Variants in ZNF569 observed in about 807,000 individuals in gnomAD.
The protein encoded by ZNF569 is DNA-binding protein.
In ZNF569, 38 loss-of-function variants were observed where a neutral mutation model predicts 56.3. That is an observed-to-expected ratio of 0.68 (90% CI 0.52 to 0.88). The LOEUF (loss-of-function observed/expected upper bound fraction) is 0.88, where lower values mean the gene tolerates loss of function less well. Ranked by LOEUF, ZNF569 falls within the 40% of genes least tolerant of loss-of-function variation. ZNF569 has a pLI of 0.00. For missense variants in ZNF569, 666 were observed against 809.2 expected (o/e 0.82, Z 2.15); for synonymous variants, 241 against 262.9 (o/e 0.92, Z 0.81).
chr19:37,426,480 A>G, intron 3 of ZNF569, 102 bp from the exon 4 acceptor site: 1 of 1,280,708 alleles, frequency 7.8e-7, no homozygotes. Flanking sequence ...GGTTATTAAA[A>G]AAGCCCATCA....
chr19:37,469,017 C>T (rs1205194568), upstream of ZNF569: 17 of 981,728 alleles, frequency 1.7e-5, no homozygotes, highest in Middle Eastern at 1.0e-3. Flanking sequence ...CTCAACTCCC[C>T]GCCCTGGTTG....
intron 5 of ZNF569, among the ~76,000 whole-genome samples, chr19:37,421,160 C>A (rs887583898): frequency 6.6e-6 from 1 of 152,080 alleles, no homozygotes; most frequent in South Asian, 2.1e-4. Context: ...TTATAGAGCA[C>A]GAGCAGGGTG....
chr19:37,447,425 T>C (rs1212616238), intron 2 of ZNF569, among the ~76,000 whole-genome samples: 1 of 152,218 alleles, frequency 6.6e-6, no homozygotes, highest in Non-Finnish European at 1.5e-5. Flanking sequence ...GGATGTGAAT[T>C]CTGGGAGGTG....
intron 3 of ZNF569, among the ~76,000 whole-genome samples, chr19:37,442,544 G>A (rs558102932): frequency 4.6e-5 from 7 of 152,308 alleles, no homozygotes; most frequent in African/African-American, 1.7e-4. Flanking sequence ...GTATTAAGCA[G>A]AGAAGTCATA....
chr19:37,452,530 T>C (rs539062855), intron 2 of ZNF569, among the ~76,000 whole-genome samples: 2 of 152,320 alleles, frequency 1.3e-5, no homozygotes, highest in African/African-American at 4.8e-5. Context: ...CTCATCATCA[T>C]TTTTAAAGGA....
At chr19:37,461,625 T>C (rs2041759123) in intron 2 of ZNF569, among the ~76,000 whole-genome samples, 1 of 152,096 alleles carries the variant, frequency 6.6e-6, no homozygotes, top group Non-Finnish European at 1.5e-5. Context: ...TGTCTCACCT[T>C]ACTTCCTCTA....
At chr19:37,469,205 C>A, upstream of ZNF569, 1 of 1,283,136 alleles carries the variant, frequency 7.8e-7, no homozygotes, top group Admixed American at 3.6e-5. Context: ...GGGAGGAGGC[C>A]GTGTTACAAA....
At position 37,412,994 on chromosome 19, in the gene ZNF569, C is replaced by T; in HGVS notation, c.1664G>A (p.Cys555Tyr). The T allele has an allele frequency of 1.9e-6, 3 of 1,613,700 alleles. No individual in the cohort carries two copies. The highest frequency in any genetic ancestry group is 2.5e-6 in the Non-Finnish European group (3 of 1,179,852). Reference sequence around the variant, plus strand: ...TGAGCACTGAGAGAAGGCTTTACCACATTTATCACATTCATAAGGCTTTTC... The same window carrying T: ...TGAGCACTGAGAGAAGGCTTTACCATATTTATCACATTCATAAGGCTTTTC... ...TGEKPYECDK[C>Y]GKAFSQCSLL... The change falls in exon 6 of 6, where the codon TGT (cysteine) becomes TAT (tyrosine). Residue 555 changes from cysteine to tyrosine, a missense_variant. Coordinates refer to ENST00000316950, the MANE Select transcript of ZNF569 (RefSeq NM_152484.3).
intron 5 of ZNF569, among the ~76,000 whole-genome samples, chr19:37,418,283 C>T (rs1000849434): frequency 1.3e-5 from 2 of 151,734 alleles, no homozygotes; most frequent in African/African-American, 4.8e-5. Context: ...ACTGGAGAGG[C>T]CCACCTAGGT....
intron 3 of ZNF569, among the ~76,000 whole-genome samples, chr19:37,429,264 T>C (rs886305646): frequency 1.3e-5 from 2 of 152,176 alleles, no homozygotes; most frequent in African/African-American, 4.8e-5. Flanking sequence ...CCTAAGCTTC[T>C]ACCTTCCTGT....
chr19:37,412,875 CAAT>C lies in ZNF569; in HGVS notation c.1780_1782del (p.Ile594del), dbSNP rs1452018566. On this transcript the variant is annotated inframe_deletion, in exon 6 of 6. Coordinates refer to ENST00000316950, the MANE Select transcript of ZNF569 (RefSeq NM_152484.3). ...TCACCTGTATGGCCTCTCATGTGCA[CAAT>C]AAGGGAAGTTCTTTGAGAGAAGGCT... 2 of 1,613,372 alleles carry C rather than the reference CAAT, an allele frequency of 1.2e-6. No homozygotes were observed. The highest frequency in any genetic ancestry group is 2.7e-5 in the African/African-American group (2 of 74,724).
intron 3 of ZNF569, among the ~76,000 whole-genome samples, chr19:37,434,227 G>A (rs1316608918): frequency 6.6e-6 from 1 of 151,654 alleles, no homozygotes; most frequent in Non-Finnish European, 1.5e-5. Context: ...TTGAACCCGG[G>A]AGGCAGAGGT....
chr19:37,433,197 A>T (rs915330478), intron 3 of ZNF569, among the ~76,000 whole-genome samples: 10 of 152,110 alleles, frequency 6.6e-5, no homozygotes, highest in African/African-American at 2.4e-4. Flanking sequence ...GATTGTAGGC[A>T]TGAGCCACCA....
At chr19:37,440,813 C>T (rs985356383) in intron 3 of ZNF569, among the ~76,000 whole-genome samples, 1 of 152,198 alleles carries the variant, frequency 6.6e-6, no homozygotes, top group Admixed American at 6.5e-5. Flanking sequence ...CTCTGCCCTA[C>T]ATTTCTGGAG....
intron 2 of ZNF569, among the ~76,000 whole-genome samples, chr19:37,450,717 GTTGT>G (rs1165825907): frequency 6.6e-6 from 1 of 152,026 alleles, no homozygotes; most frequent in Non-Finnish European, 1.5e-5. Context: ...TGTAAAGTTA[GTTGT>G]TTATTTGAGA....
In ZNF569 at chr19:37,453,859, A is replaced by T. The variant is rs61072620; in HGVS notation, c.-43-8895T>A. On this transcript the variant is annotated intron_variant, in intron 2 of 5. Coordinates refer to ENST00000316950, the MANE Select transcript of ZNF569 (RefSeq NM_152484.3). ...TCTTAAATTCCTGTTGGGTTGTTGC[A>T]ATACCTATGTCATAACTAAGTCAGT... Among the ~76,000 whole-genome samples the T allele has an allele frequency of 8.0e-3, 1,212 of 152,260 alleles. 17 individuals are homozygous for T. Among genetic ancestry groups the T allele is most frequent in the African/African-American group, 0.028 (1,173 of 41,548 alleles).
Position 37,413,871 on chromosome 19 carries a change from T to C in ZNF569, c.787A>G (p.Ile263Val). The C allele has an allele frequency of 6.2e-7, 1 of 1,613,490 alleles. No individual in the cohort carries two copies. The highest frequency in any genetic ancestry group is 2.2e-5 in the East Asian group (1 of 44,876). The change falls in exon 6 of 6, where the codon ATT (isoleucine) becomes GTT (valine). Residue 263 changes from isoleucine (I) to valine (V), a missense_variant. Ile to Val is a conservative substitution (Grantham distance 29, BLOSUM62 3). Transcript: ENST00000316950. ...KMSNLIRHQR[I>V]HTGEKPYACK... ...GCATAGGGCTTCTCTCCAGTATGAATTCTTTGATGTCTAATGAGATTTGAC... is the reference window on the plus strand; with the variant it reads ...GCATAGGGCTTCTCTCCAGTATGAACTCTTTGATGTCTAATGAGATTTGAC...
intron 2 of ZNF569, among the ~76,000 whole-genome samples, chr19:37,445,957 A>T (rs1185449484): frequency 6.6e-6 from 1 of 152,094 alleles, no homozygotes; most frequent in Non-Finnish European, 1.5e-5. Context: ...CAATCCTAAA[A>T]ATCATATGGA....
intron 3 of ZNF569, among the ~76,000 whole-genome samples, chr19:37,440,049 T>C (rs1302140935): frequency 6.6e-6 from 1 of 152,138 alleles, no homozygotes; most frequent in Non-Finnish European, 1.5e-5. Flanking sequence ...AAAGAGTAAA[T>C]TGGATTGTTT....
Sources: allele counts gnomAD v4.1 joint callset (sites outside exome capture counted in the v4.1 genomes callset), GRCh38; gene constraint gnomAD v4.1.1; transcripts MANE v1.5; gene names NCBI Gene and HGNC (gene_info 2026-07-23, HGNC 2026-07-21).